DAOA: variants seen among roughly 807,000 people sequenced by gnomAD.
DAOA encodes D-amino acid oxidase activator, also known as D-amino acid oxidase regulator.
DAOA carries 15 observed loss-of-function variants against 16.4 expected under a neutral mutation model. That is an observed-to-expected ratio of 0.91 (90% confidence interval 0.61 to 1.41). DAOA has a LOEUF of 1.41. Ranked by LOEUF, DAOA falls within the 40% of genes most tolerant of loss-of-function variation. DAOA has a pLI of 0.00. For missense variants in DAOA, 230 were observed against 176.8 expected, an observed-to-expected ratio of 1.30 and a Z score of -1.71; for synonymous variants, 75 against 59.1, an observed-to-expected ratio of 1.27 and a Z score of -1.23.
chr13:105,478,366 C>T (rs1480735391), intron 4 of DAOA, among the ~76,000 whole-genome samples: 1 of 152,114 alleles, frequency 6.6e-6, no homozygotes, highest in Non-Finnish European at 1.5e-5. Context: ...CAATTGGTAT[C>T]GAGGAGTGCT....
At chr13:105,489,651 T>G in intron 4 of DAOA, 1 of 827,620 alleles carries the variant, frequency 1.2e-6, no homozygotes, top group Non-Finnish European at 1.8e-6. Context: ...ATTCCTACAA[T>G]TCTTTATGCT....
At chr13:105,474,747 T>G (rs1019074100) in intron 4 of DAOA, among the ~76,000 whole-genome samples, 2 of 152,102 alleles carry the variant, frequency 1.3e-5, no homozygotes, top group Admixed American at 1.3e-4. Context: ...GAATTGGGAA[T>G]TGGGGAAGAG....
intron 4 of DAOA, among the ~76,000 whole-genome samples, chr13:105,477,367 C>T (rs1877408806): frequency 6.6e-6 from 1 of 152,138 alleles, no homozygotes; most frequent in Non-Finnish European, 1.5e-5. Flanking sequence ...GGTTACATAC[C>T]TAAAACATAT....
chr13:105,480,527 C>CATAGATAGATAGATAGATAG (rs59797400), intron 4 of DAOA, among the ~76,000 whole-genome samples: 1 of 146,640 alleles, frequency 6.8e-6, no homozygotes, highest in Non-Finnish European at 1.5e-5. Context: ...TGGATAGATA[C>CATAGATAGATAGATAGATAG]ATAGATAGAT....
rs200951630 is a variant in DAOA, at chr13:105,472,606, G to C, written c.202G>C (p.Gly68Arg). The C allele has an allele frequency of 6.2e-7, 1 of 1,614,002 alleles. No individual in the cohort carries two copies. Among genetic ancestry groups the C allele is most frequent in the South Asian group, 1.1e-5 (1 of 91,078 alleles). ...KEGWKRRHED[G>R]YLEMAQRHLQ... ...AGGATGGAAGAGAAGGCATGAGGAC[G>C]GCTATTTGGAAATGGCACAGAGGCA... is the stretch of plus-strand genomic sequence containing the variant. The change falls in exon 4 of 6, where the codon GGC becomes CGC. Residue 68 changes from glycine to arginine, a missense_variant. By Grantham distance (125) the Gly-to-Arg change is moderately radical. Transcript: ENST00000375936.
intron 4 of DAOA, among the ~76,000 whole-genome samples, chr13:105,476,510 A>C (rs1488879726): frequency 6.6e-6 from 1 of 151,762 alleles, no homozygotes; most frequent in Non-Finnish European, 1.5e-5. Context: ...TGTAAAAAAA[A>C]AAAAAAAAAT....
intron 4 of DAOA, among the ~76,000 whole-genome samples, chr13:105,484,371 G>C (rs981143445): frequency 6.6e-6 from 1 of 152,040 alleles, no homozygotes; most frequent in Non-Finnish European, 1.5e-5. Context: ...CCACAATGTA[G>C]CTTGCTGGGA....
In DAOA at chr13:105,472,592, G is replaced by C; in HGVS notation, c.188G>C (p.Arg63Thr). 6.2e-7 allele frequency: 1 copy of C among 1,614,092 alleles called. No individual in the cohort carries two copies. The highest frequency in any genetic ancestry group is 8.5e-7 in the Non-Finnish European group (1 of 1,179,972). Residue 63 changes from arginine (R) to threonine (T), a missense_variant, in exon 4 of 6, where the codon AGA becomes ACA. Transcript: ENST00000375936. ...GTAACAAGGAAAGAAGGATGGAAGA[G>C]AAGGCATGAGGACGGCTATTTGGAA... is the stretch of plus-strand genomic sequence containing the variant. ...ETVTRKEGWK[R>T]RHEDGYLEMA...
At chr13:105,481,585 C>G (rs543557564) in intron 4 of DAOA, among the ~76,000 whole-genome samples, 1 of 152,254 alleles carries the variant, frequency 6.6e-6, no homozygotes, top group East Asian at 1.9e-4. Flanking sequence ...AAAACAGACT[C>G]CCTTAATATC....
intron 4 of DAOA, among the ~76,000 whole-genome samples, chr13:105,475,301 C>T (rs1287196674): frequency 1.3e-5 from 2 of 152,130 alleles, no homozygotes; most frequent in East Asian, 3.8e-4. Flanking sequence ...TCTCACAAAG[C>T]TTTATTAAAC....
At chr13:105,466,925 G>C in intron 2 of DAOA, 128 bp from the exon 3 acceptor site, 1 of 1,233,292 alleles carries the variant, frequency 8.1e-7, no homozygotes, top group Non-Finnish European at 1.0e-6. Context: ...TGGCTGAATA[G>C]TTAAGATTAA....
chr13:105,478,210 G>A (rs962059923), intron 4 of DAOA, among the ~76,000 whole-genome samples: 1 of 152,124 alleles, frequency 6.6e-6, no homozygotes, highest in Non-Finnish European at 1.5e-5. Context: ...TTACACAAAT[G>A]TACCTTATAC....
At chr13:105,480,407 T>C (rs986507045) in intron 4 of DAOA, among the ~76,000 whole-genome samples, 1 of 152,048 alleles carries the variant, frequency 6.6e-6, no homozygotes, top group African/African-American at 2.4e-5. Context: ...ATGTCAATGG[T>C]AGACATTTGC....
At chr13:105,488,744 G>A (rs1176455893) in intron 4 of DAOA, among the ~76,000 whole-genome samples, 1 of 152,098 alleles carries the variant, frequency 6.6e-6, no homozygotes, top group Non-Finnish European at 1.5e-5. Flanking sequence ...AAAGGATTAG[G>A]TTAGGATCAG....
chr13:105,481,499 T>C (rs944217457), intron 4 of DAOA, among the ~76,000 whole-genome samples: 1 of 152,196 alleles, frequency 6.6e-6, no homozygotes, highest in Non-Finnish European at 1.5e-5. Context: ...ATTAAAACTA[T>C]GATCCTCCTG....
intron 4 of DAOA, 83 bp downstream of exon 4, chr13:105,472,768 G>A (rs765710006): frequency 2.3e-6 from 3 of 1,288,992 alleles, no homozygotes; most frequent in Non-Finnish European, 3.2e-6. Context: ...ACTTCTCTGG[G>A]CTTTTTAATA....
chr13:105,488,524 T>G (rs896161994), intron 4 of DAOA, among the ~76,000 whole-genome samples: 1 of 152,182 alleles, frequency 6.6e-6, no homozygotes, highest in Non-Finnish European at 1.5e-5. Context: ...TCAAAGAGCT[T>G]AAAAACGCAA....
In DAOA at chr13:105,470,151, A is replaced by C; in HGVS notation, c.134-2387A>C. ...TTTTTTGCAAGAAGAGACTAGAGTTATATTCTTGTTATATATCTAACCAGA... is the reference window on the plus strand; with the variant it reads ...TTTTTTGCAAGAAGAGACTAGAGTTCTATTCTTGTTATATATCTAACCAGA... On this transcript the variant is annotated intron_variant, in intron 3 of 5. Transcript: ENST00000375936. Among the ~76,000 whole-genome samples, 2 of 146,870 alleles carry C rather than the reference A, an allele frequency of 1.4e-5. 1 individual carries two copies. Among genetic ancestry groups the C allele is most frequent in the Non-Finnish European group, 3.0e-5 (2 of 66,970 alleles).
chr13:105,479,282 G>T (rs2139188623), intron 4 of DAOA, among the ~76,000 whole-genome samples: 1 of 152,262 alleles, frequency 6.6e-6, no homozygotes, highest in Non-Finnish European at 1.5e-5. Flanking sequence ...CATTACAGAA[G>T]TGTAAGAATG....
Sources: allele counts gnomAD v4.1 joint callset (sites outside exome capture counted in the v4.1 genomes callset), GRCh38; gene constraint gnomAD v4.1.1; transcripts MANE v1.5; gene names NCBI Gene and HGNC (gene_info 2026-07-23, HGNC 2026-07-21).